Variants in TMEM131L observed in about 807,000 individuals in gnomAD.
The protein encoded by TMEM131L is transmembrane protein 131-like.
A neutral mutation model predicts 192.2 loss-of-function variants in TMEM131L; 54 were observed. The ratio of observed to expected loss-of-function variants is 0.28; its 90% confidence interval spans 0.23 to 0.35. The LOEUF (loss-of-function observed/expected upper bound fraction) is 0.35. TMEM131L is among the 10% of genes least tolerant of loss of function. The pLI, the probability that TMEM131L is intolerant of heterozygous loss-of-function variation, is 1.00. For synonymous variants in TMEM131L, 701 were observed against 704.9 expected (o/e 0.99, Z 0.09); for missense variants, 1,888 against 1,972.9 (o/e 0.96, Z 0.82).
At chr4:153,547,839 G>A (rs533600933) in intron 3 of TMEM131L, among the ~76,000 whole-genome samples, 5 of 152,340 alleles carry the variant, frequency 3.3e-5, no homozygotes, top group Admixed American at 2.0e-4. Context: ...GTAGCTATGT[G>A]ACCTTGGGTG....
At chr4:153,629,789 C>T (rs964837199) in intron 31 of TMEM131L, among the ~76,000 whole-genome samples, 24 of 152,186 alleles carry the variant, frequency 1.6e-4, no homozygotes, top group African/African-American at 5.1e-4. Flanking sequence ...CCTTAGGTTC[C>T]TGACCCAGCT....
intron 3 of TMEM131L, among the ~76,000 whole-genome samples, chr4:153,478,887 G>A (rs1419651001): frequency 2.0e-5 from 3 of 148,632 alleles, no homozygotes; most frequent in Non-Finnish European, 4.4e-5. Context: ...AAGGTCAGGT[G>A]GACTTAAAGT....
At chr4:153,488,881 C>T (rs1025156338) in intron 3 of TMEM131L, among the ~76,000 whole-genome samples, 1 of 152,156 alleles carries the variant, frequency 6.6e-6, no homozygotes, top group Non-Finnish European at 1.5e-5. Flanking sequence ...TCTTGGCTTG[C>T]AGCTGCGGCA....
chr4:153,535,400 G>A (rs1736241497), intron 3 of TMEM131L, among the ~76,000 whole-genome samples: 1 of 152,088 alleles, frequency 6.6e-6, no homozygotes, highest in Admixed American at 6.5e-5. Context: ...TTGGGGTGGT[G>A]TTTACAGCCT....
At chr4:153,472,491 A>G (rs1422658005) in intron 2 of TMEM131L, among the ~76,000 whole-genome samples, 7 of 152,208 alleles carry the variant, frequency 4.6e-5, no homozygotes, top group Non-Finnish European at 1.0e-4. Flanking sequence ...TTGAGCACAT[A>G]CTGCAGGCCA....
At chr4:153,525,559 C>G (rs772442459) in intron 3 of TMEM131L, among the ~76,000 whole-genome samples, 5 of 152,212 alleles carry the variant, frequency 3.3e-5, no homozygotes, top group Non-Finnish European at 7.3e-5. Context: ...AGGCTGGTCT[C>G]GAGCTCCTGA....
chr4:153,583,086 G>A (rs1250684669), intron 9 of TMEM131L, 104 bp from the exon 10 acceptor site: 5 of 711,220 alleles, frequency 7.0e-6, no homozygotes, highest in Middle Eastern at 2.9e-4. Flanking sequence ...ATAGAAATGT[G>A]TAATGTGGTA....
At chr4:153,476,241 G>T (rs556676370) in intron 3 of TMEM131L, among the ~76,000 whole-genome samples, 23 of 152,268 alleles carry the variant, frequency 1.5e-4, no homozygotes, top group African/African-American at 5.5e-4. Context: ...TTACAGGCAT[G>T]AGCCACCACG....
rs969722002 is a variant in TMEM131L, at chr4:153,582,690, T to C, written c.893-500T>C. On this transcript the variant is annotated intron_variant, in intron 9 of 34. Transcript: ENST00000409959. Reference sequence around the variant, plus strand: ...TGTCCTCAGTGCTTGGTGATTCTCATAGTGGCCAGTGAACATCTATGAGGG... The same window carrying C: ...TGTCCTCAGTGCTTGGTGATTCTCACAGTGGCCAGTGAACATCTATGAGGG... Among the ~76,000 whole-genome samples, 14 of 152,046 alleles carry C rather than the reference T, an allele frequency of 9.2e-5. 1 individual carries two copies. Among genetic ancestry groups the C allele is most frequent in the Admixed American group, 6.5e-4 (10 of 15,272 alleles).
chr4:153,606,417 G>A (rs1052288781), intron 25 of TMEM131L, among the ~76,000 whole-genome samples: 4 of 152,194 alleles, frequency 2.6e-5, no homozygotes, highest in Admixed American at 2.6e-4. Context: ...TGGATGGGAG[G>A]GACCTTCTAT....
Position 153,604,056 on chromosome 4 carries a change from C to T in TMEM131L, c.3044C>T (p.Pro1015Leu). The change falls in exon 25 of 35, where the codon CCT (proline) becomes CTT (leucine). Residue 1015 changes from proline (P) to leucine (L), a missense_variant. Transcript: ENST00000409959. ...ACTTCACCCCTGGGCAGCTCACTGC[C>T]TGCTGCTAAAGAGGACATTTGCACT... ...KQTSPLGSSL[P>L]AAKEDICTDA... The T allele has an allele frequency of 1.2e-6, 2 of 1,614,180 alleles. No homozygotes were observed.
chr4:153,583,467 A>G (rs1412056522), intron 10 of TMEM131L, 97 bp from the exon 11 acceptor site: 3 of 871,452 alleles, frequency 3.4e-6, no homozygotes, highest in East Asian at 2.4e-5. Context: ...GTTGCTATGT[A>G]TGGCTGGTCT....
chr4:153,477,235 C>T (rs1306939182), intron 3 of TMEM131L, among the ~76,000 whole-genome samples: 1 of 152,138 alleles, frequency 6.6e-6, no homozygotes, highest in Non-Finnish European at 1.5e-5. Context: ...GGGAGGGAAT[C>T]AGGAACTGTG....
At chr4:153,584,763 A>G (rs561712677) in intron 11 of TMEM131L, 72 bp from the exon 12 acceptor site, 136 of 991,298 alleles carry the variant, frequency 1.4e-4, no homozygotes, top group African/African-American at 1.3e-3. Flanking sequence ...TAAATAAGAC[A>G]TATATCTTTT....
Position 153,634,295 on chromosome 4 carries a change from G to T in TMEM131L, c.4417+15G>T, listed in dbSNP as rs200311630. ...CTTTCCAGAAGGTAAGGGCTCTTCA[G>T]ACAATCCCAACGCCATTATTTTATT... On this transcript the variant is annotated intron_variant, in intron 33 of 34. Transcript: ENST00000409959. The T allele has an allele frequency of 4.3e-4, 687 of 1,583,652 alleles. 8 individuals carry two copies. The South Asian group carries it at 4.9e-3, about 11-fold the overall frequency.
intron 21 of TMEM131L, 29 bp downstream of exon 21, chr4:153,598,761 G>A: frequency 6.6e-7 from 1 of 1,511,518 alleles, no homozygotes; most frequent in Non-Finnish European, 8.9e-7. Context: ...CACTCTGACA[G>A]GGGAGGTTGG....
chr4:153,617,346 G>A (rs755284355), intron 26 of TMEM131L, among the ~76,000 whole-genome samples: 22 of 152,274 alleles, frequency 1.4e-4, no homozygotes, highest in Middle Eastern at 3.4e-3. Context: ...TATCAGCAGC[G>A]TGAAAACGAA....
chr4:153,524,128 T>A (rs894614184), intron 3 of TMEM131L, among the ~76,000 whole-genome samples: 1 of 146,846 alleles, frequency 6.8e-6, no homozygotes, highest in African/African-American at 2.6e-5. Context: ...ATGTTTCACT[T>A]CTGTTTTTTT....
intron 3 of TMEM131L, among the ~76,000 whole-genome samples, chr4:153,508,678 A>ATTT (rs555033353): frequency 7.2e-6 from 1 of 139,336 alleles, no homozygotes; most frequent in African/African-American, 2.6e-5. Context: ...TTTTTTTTTA[A>ATTT]TTTTTTTTTT....
Sources: gnomAD v4.1 joint callset for allele counts (sites outside exome capture counted in the v4.1 genomes callset) on GRCh38, gnomAD v4.1.1 for gene constraint, MANE v1.5 for transcripts, NCBI Gene and HGNC (gene_info 2026-07-23, HGNC 2026-07-21) for gene names.